The following SEMA6D variants were observed in gnomAD, a reference collection of about 807,000 sequenced individuals.
The protein encoded by SEMA6D is semaphorin-6D.
SEMA6D carries 35 observed loss-of-function variants against 106.6 expected under a neutral mutation model. The observed-to-expected ratio is 0.33, with a 90% CI of 0.25 to 0.44. SEMA6D has a LOEUF of 0.44. SEMA6D is among the 20% of genes least tolerant of loss of function. The pLI is 1.00. For synonymous variants in SEMA6D, 499 were observed against 487.7 expected (o/e 1.02, Z -0.31); for missense variants, 1,185 against 1,345.9 (o/e 0.88, Z 1.87).
At chr15:47,468,583 A>C (rs948208018) in intron 2 of SEMA6D, among the ~76,000 whole-genome samples, 1 of 152,102 alleles carries the variant, frequency 6.6e-6, no homozygotes, top group Non-Finnish European at 1.5e-5. Flanking sequence ...GCAAAGGGGG[A>C]GTTATCAAGA....
chr15:47,262,816 A>G (rs1224375636), intron 1 of SEMA6D, among the ~76,000 whole-genome samples: 1 of 152,182 alleles, frequency 6.6e-6, no homozygotes, highest in Non-Finnish European at 1.5e-5. Flanking sequence ...AGCTACAGTA[A>G]TCAAAACAGC....
chr15:47,546,959 G>A (rs2045542562), intron 3 of SEMA6D, among the ~76,000 whole-genome samples: 1 of 152,044 alleles, frequency 6.6e-6, no homozygotes, highest in East Asian at 1.9e-4. Flanking sequence ...AGACATCCTA[G>A]CAGACAGAAA....
At chr15:47,303,618 A>G (rs2036108410) in intron 1 of SEMA6D, among the ~76,000 whole-genome samples, 2 of 152,092 alleles carry the variant, frequency 1.3e-5, no homozygotes, top group Non-Finnish European at 2.9e-5. Flanking sequence ...CAGGATTTTC[A>G]TCTGTTTGGT....
chr15:47,213,510 C>T (rs1414018883), intron 1 of SEMA6D, among the ~76,000 whole-genome samples: 3 of 152,068 alleles, frequency 2.0e-5, no homozygotes, highest in Non-Finnish European at 4.4e-5. Context: ...TTCTGCAACT[C>T]CAAGTATTTG....
intron 3 of SEMA6D, among the ~76,000 whole-genome samples, chr15:47,597,625 A>G (rs1178353261): frequency 3.3e-5 from 5 of 151,998 alleles, no homozygotes; most frequent in Non-Finnish European, 7.4e-5. Flanking sequence ...CATAAGAAGA[A>G]CAATTACATG....
At chr15:47,244,540 G>T (rs560630269) in intron 1 of SEMA6D, among the ~76,000 whole-genome samples, 1 of 152,082 alleles carries the variant, frequency 6.6e-6, no homozygotes, top group African/African-American at 2.4e-5. Flanking sequence ...ATACAGATGT[G>T]TGAAAACTTA....
rs1449959234 is a variant in SEMA6D at position 47,772,472 on chromosome 15, G to A, written c.*687G>A. On this transcript the variant is annotated 3_prime_UTR_variant, in exon 19 of 19. Coordinates refer to ENST00000536845, the MANE Select transcript of SEMA6D (RefSeq NM_001358351.3). ...TTGTTTACATTAAGCATGACCGAAC[G>A]AGAGACAATACTATTTCCCACAGGA... 8 of 152,272 alleles carry A rather than the reference G, an allele frequency of 5.3e-5. No homozygotes were observed. The highest frequency in any genetic ancestry group is 2.1e-4 in the South Asian group (1 of 4,786). 9.4% of individuals were successfully genotyped at this position (152,272 alleles called of 1,614,324 possible).
At chr15:47,666,483 T>A (rs1299494527) in intron 4 of SEMA6D, among the ~76,000 whole-genome samples, 1 of 152,188 alleles carries the variant, frequency 6.6e-6, no homozygotes, top group African/African-American at 2.4e-5. Context: ...TTGGGGAGAC[T>A]GCAACTAAGA....
At chr15:47,506,650 G>C (rs1284126038) in intron 3 of SEMA6D, among the ~76,000 whole-genome samples, 1 of 148,118 alleles carries the variant, frequency 6.8e-6, no homozygotes, top group South Asian at 2.1e-4. Context: ...CGACTGCCTT[G>C]CTCATCCCCC....
At chr15:47,540,313 C>T (rs1334771869) in intron 3 of SEMA6D, among the ~76,000 whole-genome samples, 1 of 151,910 alleles carries the variant, frequency 6.6e-6, no homozygotes, top group African/African-American at 2.4e-5. Flanking sequence ...AATAAAATGT[C>T]AAGAAACTTT....
chr15:47,520,767 T>G (rs961740951), intron 3 of SEMA6D, among the ~76,000 whole-genome samples: 1 of 152,118 alleles, frequency 6.6e-6, no homozygotes, highest in Non-Finnish European at 1.5e-5. Flanking sequence ...ATGGAGAATC[T>G]AACATCAAGT....
At chr15:47,601,293 C>A (rs1196610881) in intron 4 of SEMA6D, among the ~76,000 whole-genome samples, 2 of 152,110 alleles carry the variant, frequency 1.3e-5, no homozygotes, top group East Asian at 3.9e-4. Context: ...AAGCAAAGTG[C>A]CCCCAGCACA....
chr15:47,427,674 T>C (rs2041384721), intron 2 of SEMA6D, among the ~76,000 whole-genome samples: 1 of 152,184 alleles, frequency 6.6e-6, no homozygotes, highest in South Asian at 2.1e-4. Context: ...GAAATAATGT[T>C]ATCTTCTCTA....
chr15:47,425,655 G>A (rs2031344385), intron 2 of SEMA6D, among the ~76,000 whole-genome samples: 1 of 151,048 alleles, frequency 6.6e-6, no homozygotes, highest in Non-Finnish European at 1.5e-5. Flanking sequence ...GTGCCTAAAT[G>A]GTATTTAAGA....
intron 2 of SEMA6D, among the ~76,000 whole-genome samples, chr15:47,457,946 A>T (rs187656475): frequency 9.1e-4 from 138 of 152,094 alleles, no homozygotes; most frequent in African/African-American, 3.2e-3. Flanking sequence ...GAGAACATAA[A>T]AATGGCTGCA....
At position 47,220,550 on chromosome 15, in the gene SEMA6D, A is replaced by G. The variant is rs181665530; in HGVS notation, c.-239+36132A>G. Among the ~76,000 whole-genome samples the G allele has an allele frequency of 2.4e-3, 368 of 152,270 alleles. 1 individual carries two copies. The highest frequency in any genetic ancestry group is 3.9e-3 in the Non-Finnish European group (265 of 68,020). On this transcript the variant is annotated intron_variant, in intron 1 of 19. Coordinates refer to the SEMA6D transcript ENST00000558014. ...GGAGTTTGGAGTTCCTGAGCTAAGCATGAGGGGGAATGGGCTCACCAAACT... is the reference window on the plus strand; with the variant it reads ...GGAGTTTGGAGTTCCTGAGCTAAGCGTGAGGGGGAATGGGCTCACCAAACT...
chr15:47,732,295 A>G (rs1244191806), intron 1 of SEMA6D, among the ~76,000 whole-genome samples: 1 of 152,152 alleles, frequency 6.6e-6, no homozygotes, highest in East Asian at 1.9e-4. Context: ...GTCATCAAAG[A>G]CTCAGGTGTT....
chr15:47,447,987 T>C (rs553200073), intron 2 of SEMA6D, among the ~76,000 whole-genome samples: 1 of 152,278 alleles, frequency 6.6e-6, no homozygotes, highest in East Asian at 1.9e-4. Flanking sequence ...TTATTGATGG[T>C]TGTGGTACAA....
chr15:47,348,727 C>CACAGAGAG lies in SEMA6D; in HGVS notation c.-238-63665_-238-63664insCAGAGAGA, dbSNP rs1450109233. On this transcript the variant is annotated intron_variant, in intron 1 of 19. Transcript: ENST00000558014. ...CACACACACACACACACCACACACACAGAGAGAGAGAGAGAGAGAGAGAGA... is the reference window on the plus strand; with the variant it reads ...CACACACACACACACACCACACACACACAGAGAGAGAGAGAGAGAGAGAGAGAGAGAGA... Among the ~76,000 whole-genome samples the CACAGAGAG allele has an allele frequency of 5.4e-3, 309 of 57,092 alleles. 5 individuals are homozygous for CACAGAGAG. Among genetic ancestry groups the CACAGAGAG allele is most frequent in the East Asian group, 6.5e-3 (12 of 1,848 alleles). 37.5% of individuals were successfully genotyped at this position (57,092 alleles called of 152,430 possible). A position where few individuals can be genotyped will look rare whatever the true frequency, so the allele number is the denominator to read the frequency against.
Sources: gnomAD v4.1 joint callset for allele counts (sites outside exome capture counted in the v4.1 genomes callset) on GRCh38, gnomAD v4.1.1 for gene constraint, MANE v1.5 for transcripts, NCBI Gene and HGNC (gene_info 2026-07-23, HGNC 2026-07-21) for gene names.